STPG2: variants seen among roughly 807,000 people sequenced by gnomAD.
The protein encoded by STPG2 is sperm tail PG-rich repeat containing 2, also known as sperm-tail PG-rich repeat-containing protein 2.
Under a neutral mutation model 54.2 loss-of-function variants are expected in STPG2, and 56 were observed. That is an observed-to-expected ratio of 1.03 (90% confidence interval 0.83 to 1.29). The LOEUF (loss-of-function observed/expected upper bound fraction) is 1.29. STPG2 is among the 50% of genes most tolerant of loss of function. The probability of loss-of-function intolerance (pLI) is 0.00; values close to 1 mark genes in which losing one functional copy is unlikely to be tolerated. For missense variants in STPG2, 596 were observed against 544.9 expected (o/e 1.09, Z -0.93); for synonymous variants, 200 against 181.8 (o/e 1.10, Z -0.81).
intron 4 of STPG2, among the ~76,000 whole-genome samples, chr4:97,481,375 A>T (rs1190026100): frequency 6.6e-6 from 1 of 151,574 alleles, no homozygotes; most frequent in Non-Finnish European, 1.5e-5. Context: ...TTCCACACAA[A>T]TTTTAGAATC....
chr4:98,033,880 G>T lies in STPG2; in HGVS notation c.613-52562C>A, dbSNP rs1482585470. Among the ~76,000 whole-genome samples, 3 of 152,110 alleles carry T rather than the reference G, an allele frequency of 2.0e-5. No homozygotes were observed. The East Asian group carries it at 5.8e-4, about 29-fold the overall frequency. On this transcript the variant is annotated intron_variant, in intron 5 of 10. Coordinates refer to ENST00000295268, the MANE Select transcript of STPG2 (RefSeq NM_174952.3). ...TGATTATCTCAATAGATGCAGAAAA[G>T]GCCTTTGACAAAATTCAACACCCCT... is the stretch of plus-strand genomic sequence containing the variant.
chr4:97,462,977 ATTTC>A (rs1440720595), intron 4 of STPG2, among the ~76,000 whole-genome samples: 3 of 152,034 alleles, frequency 2.0e-5, no homozygotes, highest in Non-Finnish European at 2.9e-5. Context: ...CTGATTATAT[ATTTC>A]TTTCTATTCA....
At chr4:98,101,749 A>T (rs1739042659) in intron 5 of STPG2, among the ~76,000 whole-genome samples, 1 of 152,158 alleles carries the variant, frequency 6.6e-6, no homozygotes, top group Non-Finnish European at 1.5e-5. Flanking sequence ...ATTTGTGGCC[A>T]CTAGAAACAA....
chr4:97,903,211 A>G (rs1397915921), intron 8 of STPG2, among the ~76,000 whole-genome samples: 1 of 152,184 alleles, frequency 6.6e-6, no homozygotes, highest in East Asian at 1.9e-4. Context: ...GATCTCAATT[A>G]TTCTAATTAC....
chr4:97,784,989 A>T (rs968460908), intron 9 of STPG2, among the ~76,000 whole-genome samples: 6 of 152,036 alleles, frequency 3.9e-5, no homozygotes, highest in Non-Finnish European at 7.4e-5. Flanking sequence ...TCTGCCTGAG[A>T]TGCTTTTGAG....
In STPG2 at chr4:97,764,131, C is replaced by CACACACACAA. The variant is rs754720105; in HGVS notation, c.1205-51318_1205-51317insTTGTGTGTGT. On this transcript the variant is annotated intron_variant, in intron 9 of 10. Transcript: ENST00000295268. ...CCACATGCACACACACACACACACACACACACACACAGAGGCACAGACAGA... is the reference window on the plus strand; with the variant it reads ...CCACATGCACACACACACACACACACACACACACAAACACACACACAGAGGCACAGACAGA... Among the ~76,000 whole-genome samples the CACACACACAA allele has an allele frequency of 4.1e-3, 625 of 151,362 alleles. 3 individuals carry two copies. The highest frequency in any genetic ancestry group is 0.024 in the South Asian group (114 of 4,796).
intron 8 of STPG2, among the ~76,000 whole-genome samples, chr4:97,881,122 T>C (rs1273305034): frequency 2.0e-5 from 3 of 151,126 alleles, no homozygotes; most frequent in Non-Finnish European, 2.9e-5. Context: ...GTCCCCTGGA[T>C]CTGGTAAAAA....
At chr4:97,627,988 G>A (rs1218011415) in intron 10 of STPG2, among the ~76,000 whole-genome samples, 2 of 152,110 alleles carry the variant, frequency 1.3e-5, no homozygotes, top group Non-Finnish European at 2.9e-5. Flanking sequence ...AGGATTGAAT[G>A]AGACCCGCCC....
At chr4:97,986,322 G>A (rs1734831923) in intron 5 of STPG2, among the ~76,000 whole-genome samples, 1 of 152,100 alleles carries the variant, frequency 6.6e-6, no homozygotes, top group African/African-American at 2.4e-5. Flanking sequence ...ACATAATAAA[G>A]GTTTGCTAGT....
At chr4:97,516,395 T>C (rs1379391703) in intron 4 of STPG2, among the ~76,000 whole-genome samples, 1 of 152,116 alleles carries the variant, frequency 6.6e-6, no homozygotes, top group African/African-American at 2.4e-5. Flanking sequence ...CAGTGTACCA[T>C]ACTACATTGT....
chr4:98,094,203 G>T (rs1428782612), intron 5 of STPG2, among the ~76,000 whole-genome samples: 1 of 152,134 alleles, frequency 6.6e-6, no homozygotes, highest in Non-Finnish European at 1.5e-5. Context: ...ATAGAGTATT[G>T]AGCAGAGTTG....
chr4:98,117,112 C>T (rs1739543595), intron 3 of STPG2, among the ~76,000 whole-genome samples: 1 of 151,796 alleles, frequency 6.6e-6, no homozygotes, highest in Non-Finnish European at 1.5e-5. Context: ...TTTGGTATTT[C>T]TTTTAGGGGG....
intron 9 of STPG2, among the ~76,000 whole-genome samples, chr4:97,737,449 G>C (rs1227563176): frequency 6.6e-6 from 1 of 152,178 alleles, no homozygotes; most frequent in Non-Finnish European, 1.5e-5. Flanking sequence ...AGGCAAAGAA[G>C]TTAAAAACTT....
At chr4:97,472,205 A>T (rs2148815519) in intron 4 of STPG2, among the ~76,000 whole-genome samples, 1 of 152,368 alleles carries the variant, frequency 6.6e-6, no homozygotes, top group East Asian at 1.9e-4. Flanking sequence ...AGTGGGGCAG[A>T]AATTCATTCT....
At chr4:97,791,299 T>C (rs1414937563) in intron 9 of STPG2, among the ~76,000 whole-genome samples, 1 of 152,086 alleles carries the variant, frequency 6.6e-6, no homozygotes, top group African/African-American at 2.4e-5. Context: ...TTTAATTTAA[T>C]TTCTACAAAA....
chr4:97,672,370 G>T (rs555964878), intron 10 of STPG2, among the ~76,000 whole-genome samples: 23 of 151,656 alleles, frequency 1.5e-4, no homozygotes, highest in African/African-American at 3.1e-4. Context: ...TAGAGACAGG[G>T]TTTCTCCAAG....
chr4:98,089,262 C>A (rs1167691469), intron 5 of STPG2, among the ~76,000 whole-genome samples: 2 of 152,042 alleles, frequency 1.3e-5, no homozygotes, highest in Non-Finnish European at 2.9e-5. Flanking sequence ...ACCTTTGCAG[C>A]CTCGTAGCTT....
intron 8 of STPG2, among the ~76,000 whole-genome samples, chr4:97,919,507 T>C (rs1338848575): frequency 3.3e-5 from 5 of 151,716 alleles, no homozygotes; most frequent in Non-Finnish European, 7.4e-5. Flanking sequence ...TTAACTATAG[T>C]TTTCATAAAC....
chr4:97,870,343 A>G (rs1196851393), intron 8 of STPG2, among the ~76,000 whole-genome samples: 5 of 151,490 alleles, frequency 3.3e-5, no homozygotes, highest in Admixed American at 6.6e-5. Flanking sequence ...AATAAACTTA[A>G]CTCACTTGTT....
Sources: gnomAD v4.1 joint callset for allele counts (sites outside exome capture counted in the v4.1 genomes callset) on GRCh38, gnomAD v4.1.1 for gene constraint, MANE v1.5 for transcripts, NCBI Gene and HGNC (gene_info 2026-07-23, HGNC 2026-07-21) for gene names.